Variants in SOX6 observed in about 807,000 individuals in gnomAD.
SOX6 encodes the protein transcription factor SOX-6.
Under a neutral mutation model 97.8 loss-of-function variants are expected in SOX6, and 11 were observed. The ratio of observed to expected loss-of-function variants is 0.11; its 90% CI spans 0.07 to 0.19. SOX6 has a LOEUF of 0.19. Ranked by LOEUF, SOX6 falls within the 10% of genes least tolerant of loss-of-function variation. The probability of loss-of-function intolerance (pLI) is 1.00; values close to 1 mark genes in which losing one functional copy is unlikely to be tolerated. For missense variants in SOX6, 810 were observed against 1,039.5 expected (o/e 0.78, Z 3.04); for synonymous variants, 360 against 371.4 (o/e 0.97, Z 0.35).
At chr11:16,395,025 A>C (rs1858307335) in intron 1 of SOX6, among the ~76,000 whole-genome samples, 1 of 151,856 alleles carries the variant, frequency 6.6e-6, no homozygotes, top group African/African-American at 2.4e-5. Context: ...CAAGTTGCAT[A>C]ATTTTCTCTA....
intron 13 of SOX6, among the ~76,000 whole-genome samples, chr11:16,010,654 A>T (rs1381132678): frequency 6.6e-6 from 1 of 152,038 alleles, no homozygotes; most frequent in Non-Finnish European, 1.5e-5. Context: ...CCAAGTCTCA[A>T]CTATTGTTGC....
chr11:16,294,994 T>C (rs1037089336), intron 3 of SOX6, among the ~76,000 whole-genome samples: 8 of 152,052 alleles, frequency 5.3e-5, no homozygotes, highest in Non-Finnish European at 1.2e-4. Flanking sequence ...AACTGTCAGA[T>C]TTAAAATCTA....
intron 6 of SOX6, among the ~76,000 whole-genome samples, chr11:16,147,514 T>A (rs976773511): frequency 6.6e-6 from 1 of 151,956 alleles, no homozygotes; most frequent in African/African-American, 2.4e-5. Flanking sequence ...TAAAAAAAAA[T>A]AAAAGAGTCC....
At chr11:15,983,048 T>A (rs982139741) in intron 15 of SOX6, among the ~76,000 whole-genome samples, 1 of 152,046 alleles carries the variant, frequency 6.6e-6, no homozygotes, top group African/African-American at 2.4e-5. Context: ...AACACTTTAT[T>A]AAATTAGTAT....
chr11:16,015,255 G>T, intron 12 of SOX6: 1 of 588,736 alleles, frequency 1.7e-6, no homozygotes, highest in Non-Finnish European at 3.0e-6. Flanking sequence ...CATAGTACCT[G>T]TAGGGAAAGG....
intron 4 of SOX6, among the ~76,000 whole-genome samples, chr11:16,526,094 G>C (rs929667149): frequency 6.6e-6 from 1 of 152,140 alleles, no homozygotes; most frequent in Non-Finnish European, 1.5e-5. Context: ...CAGGGATCTA[G>C]AACTGGAAAT....
chr11:16,555,343 T>C (rs1847738604), intron 4 of SOX6, among the ~76,000 whole-genome samples: 1 of 151,836 alleles, frequency 6.6e-6, no homozygotes, highest in Non-Finnish European at 1.5e-5. Flanking sequence ...CTACAATTAT[T>C]TCTTTCTTAA....
intron 4 of SOX6, among the ~76,000 whole-genome samples, chr11:16,566,081 G>A (rs1847870626): frequency 7.1e-6 from 1 of 141,794 alleles, no homozygotes. Flanking sequence ...AGGTGACAGA[G>A]CGAGACTCCG....
upstream of SOX6, among the ~76,000 whole-genome samples, chr11:16,480,666 T>A (rs1860327904): frequency 6.7e-6 from 1 of 150,016 alleles, no homozygotes; most frequent in African/African-American, 2.4e-5. Flanking sequence ...ACCTTCTTTT[T>A]ATTATGTGAG....
At chr11:16,398,170 A>G (rs2134437469) in intron 1 of SOX6, among the ~76,000 whole-genome samples, 1 of 151,664 alleles carries the variant, frequency 6.6e-6, no homozygotes, top group Middle Eastern at 3.4e-3. Context: ...TACATACCTT[A>G]AAAGTTAGAG....
intron 1 of SOX6, among the ~76,000 whole-genome samples, chr11:16,450,112 C>T (rs1191657933): frequency 2.0e-5 from 3 of 152,114 alleles, no homozygotes; most frequent in Non-Finnish European, 4.4e-5. Context: ...AAACTGCCTA[C>T]AAATAGACCC....
At chr11:16,032,985 C>A (rs1445959081) in intron 12 of SOX6, among the ~76,000 whole-genome samples, 1 of 152,150 alleles carries the variant, frequency 6.6e-6, no homozygotes, top group African/African-American at 2.4e-5. Flanking sequence ...CCTTACGACA[C>A]TTTTCATTCA....
chr11:16,140,581 G>A (rs1850106298), intron 6 of SOX6, among the ~76,000 whole-genome samples: 1 of 152,180 alleles, frequency 6.6e-6, no homozygotes, highest in South Asian at 2.1e-4. Context: ...ATGTGGTTCA[G>A]TGTCTGGCAG....
At chr11:16,466,909 C>T (rs1246872409) in intron 1 of SOX6, among the ~76,000 whole-genome samples, 2 of 112,040 alleles carry the variant, frequency 1.8e-5, no homozygotes, top group African/African-American at 3.5e-5. Context: ...CCAGCCTGGG[C>T]GACAGAGCGA....
At chr11:16,659,138 T>C (rs1189945055) in intron 3 of SOX6, among the ~76,000 whole-genome samples, 2 of 152,252 alleles carry the variant, frequency 1.3e-5, no homozygotes, top group African/African-American at 2.4e-5. Context: ...AGATTTTCTT[T>C]GATAATATCA....
chr11:16,572,722 C>T (rs1847949903), intron 4 of SOX6, among the ~76,000 whole-genome samples: 1 of 152,292 alleles, frequency 6.6e-6, no homozygotes, highest in East Asian at 1.9e-4. Flanking sequence ...TCCACATGTT[C>T]ATTTATATCA....
rs12801981 is a variant in SOX6 at position 16,619,548 on chromosome 11, A to G, written n.430-7288T>C. The stretch of plus-strand genomic sequence containing the variant: ...GTATAGTCTAATAAATGACAGAAAT[A>G]TGGTGTTTCTATTGCCTAGAAGAGT... On this transcript the variant is annotated intron_variant and non_coding_transcript_variant, in intron 3 of 5. Transcript: ENST00000524520. Among the ~76,000 whole-genome samples the G allele has an allele frequency of 5.0e-3, 757 of 152,148 alleles. 4 individuals are homozygous for G. The highest frequency in any genetic ancestry group is 6.6e-3 in the Non-Finnish European group (447 of 67,914).
chr11:16,423,923 T>C (rs542599912), intron 1 of SOX6, among the ~76,000 whole-genome samples: 9 of 152,330 alleles, frequency 5.9e-5, no homozygotes, highest in African/African-American at 9.6e-5. Flanking sequence ...AAAAGGAACA[T>C]TTATGTGCTA....
chr11:16,227,294 A>G (rs906664251), intron 4 of SOX6, among the ~76,000 whole-genome samples: 1 of 152,226 alleles, frequency 6.6e-6, no homozygotes, highest in African/African-American at 2.4e-5. Context: ...GATCATGAAG[A>G]TAACATTCCA....
Sources: gnomAD v4.1 joint callset for allele counts (sites outside exome capture counted in the v4.1 genomes callset) on GRCh38, gnomAD v4.1.1 for gene constraint, MANE v1.5 for transcripts, NCBI Gene and HGNC (gene_info 2026-07-23, HGNC 2026-07-21) for gene names.